Variants in ARHGEF3 observed in about 807,000 individuals in gnomAD.
ARHGEF3 encodes Rho guanine nucleotide exchange factor 3.
ARHGEF3 carries 28 observed loss-of-function variants against 63.2 expected under a neutral mutation model. The ratio of observed to expected loss-of-function variants is 0.44; its 90% CI spans 0.33 to 0.61. ARHGEF3 has a LOEUF of 0.61. Among genes scored for constraint, ARHGEF3 ranks in the 20% least tolerant of loss-of-function variants. The pLI, the probability that ARHGEF3 is intolerant of heterozygous loss-of-function variation, is 0.03. For missense variants in ARHGEF3, 533 were observed against 659.3 expected (o/e 0.81, Z 2.10); for synonymous variants, 266 against 254.2 (o/e 1.05, Z -0.44).
At chr3:57,012,737 G>A (rs1239026457) in intron 2 of ARHGEF3, among the ~76,000 whole-genome samples, 8 of 152,338 alleles carry the variant, frequency 5.3e-5, no homozygotes, top group South Asian at 2.1e-4. Context: ...GCTGGCAGCC[G>A]TTGCTCGCTC....
intron 1 of ARHGEF3, among the ~76,000 whole-genome samples, chr3:56,778,769 A>G (rs921481054): frequency 2.6e-5 from 4 of 152,190 alleles, no homozygotes; most frequent in African/African-American, 9.6e-5. Context: ...TCCTGGGGTC[A>G]AGCAATTCTC....
intron 1 of ARHGEF3, chr3:57,060,858 C>T (rs1705187578): frequency 6.6e-6 from 1 of 151,144 alleles, no homozygotes; most frequent in African/African-American, 2.4e-5. Flanking sequence ...ACCACCACCA[C>T]TTCTTTTTTG....
chr3:56,996,890 A>ATTATTATTATT (rs1553801009), intron 2 of ARHGEF3, among the ~76,000 whole-genome samples: 1 of 136,510 alleles, frequency 7.3e-6, no homozygotes, highest in African/African-American at 2.7e-5. Flanking sequence ...TATTATTATT[A>ATTATTATTATT]TTTTTTTTTT....
At chr3:56,791,379 G>T (rs1228118406) in intron 1 of ARHGEF3, among the ~76,000 whole-genome samples, 2 of 152,082 alleles carry the variant, frequency 1.3e-5, no homozygotes, top group Non-Finnish European at 2.9e-5. Context: ...AGAGGTTAAG[G>T]CTGCAGTGAG....
intron 1 of ARHGEF3, among the ~76,000 whole-genome samples, chr3:56,781,231 ATTTTC>A (rs2036547450): frequency 6.8e-6 from 1 of 147,682 alleles, no homozygotes; most frequent in African/African-American, 2.6e-5. Context: ...CTCTGCTGAC[ATTTTC>A]TTTTGTCTTT....
chr3:56,831,634 A>G (rs1313522055), intron 4 of ARHGEF3, among the ~76,000 whole-genome samples: 1 of 152,224 alleles, frequency 6.6e-6, no homozygotes, highest in Non-Finnish European at 1.5e-5. Flanking sequence ...TGGCATCTAC[A>G]CTAGACCACT....
At chr3:56,738,103 G>A (rs921877709) in intron 7 of ARHGEF3, among the ~76,000 whole-genome samples, 10 of 152,144 alleles carry the variant, frequency 6.6e-5, no homozygotes, top group Admixed American at 5.9e-4. Flanking sequence ...GAGTGCAGTG[G>A]CGTGATCTCA....
intron 4 of ARHGEF3, among the ~76,000 whole-genome samples, chr3:56,853,406 G>A (rs916398402): frequency 2.0e-5 from 3 of 152,090 alleles, no homozygotes; most frequent in African/African-American, 7.2e-5. Context: ...GCACCATCTC[G>A]GCTCACTGCA....
chr3:57,040,551 G>A (rs78378642), intron 1 of ARHGEF3, among the ~76,000 whole-genome samples: 2,878 of 149,206 alleles, frequency 0.019, 92 homozygotes, highest in African/African-American at 0.066. Context: ...TTAGGATAGC[G>A]GTTCTAGTGG....
chr3:57,046,507 G>C (rs1197951608), intron 1 of ARHGEF3, among the ~76,000 whole-genome samples: 1 of 152,208 alleles, frequency 6.6e-6, no homozygotes, highest in Non-Finnish European at 1.5e-5. Context: ...ACGAAGCTCA[G>C]CCTTCTGACA....
chr3:56,983,022 C>T (rs1701385706), intron 2 of ARHGEF3, among the ~76,000 whole-genome samples: 1 of 151,658 alleles, frequency 6.6e-6, no homozygotes, highest in South Asian at 2.1e-4. Flanking sequence ...CAAAGGCAAA[C>T]AAACAAAATT....
chr3:56,859,577 T>C (rs1578696219), intron 4 of ARHGEF3, among the ~76,000 whole-genome samples: 3 of 149,332 alleles, frequency 2.0e-5, no homozygotes, highest in Admixed American at 1.3e-4. Flanking sequence ...TCACCCAGGC[T>C]GGAGTGCAGT....
chr3:56,751,944 A>G (rs2034781480), intron 4 of ARHGEF3, among the ~76,000 whole-genome samples: 1 of 152,214 alleles, frequency 6.6e-6, no homozygotes. Flanking sequence ...ATAGAACACA[A>G]AGACTTAAAA....
At chr3:56,863,546 C>T (rs1388073980) in intron 4 of ARHGEF3, among the ~76,000 whole-genome samples, 4 of 151,888 alleles carry the variant, frequency 2.6e-5, no homozygotes, top group African/African-American at 7.3e-5. Flanking sequence ...GCAATCCACC[C>T]GCCTTGGCCT....
At chr3:57,042,675 TATATATATATATATATA>T (rs1330932633) in intron 1 of ARHGEF3, among the ~76,000 whole-genome samples, 936 of 41,334 alleles carry the variant, frequency 0.023, 72 homozygotes, top group African/African-American at 0.094. Flanking sequence ...TATATATATA[TATATATATATATATATA>T]TATATATATT....
At chr3:56,796,546 C>T (rs2037378466) in intron 1 of ARHGEF3, among the ~76,000 whole-genome samples, 1 of 152,208 alleles carries the variant, frequency 6.6e-6, no homozygotes, top group Admixed American at 6.5e-5. Flanking sequence ...CCGTGGGTTG[C>T]AGCCGTTCTA....
At chr3:56,823,464 C>T (rs770863332) in intron 4 of ARHGEF3, among the ~76,000 whole-genome samples, 92 of 152,286 alleles carry the variant, frequency 6.0e-4, no homozygotes, top group Middle Eastern at 6.8e-3. Flanking sequence ...ACAGCCCAGC[C>T]TCCTGTTCTC....
chr3:56,985,911 G>A (rs902301162), intron 2 of ARHGEF3, among the ~76,000 whole-genome samples: 1 of 152,232 alleles, frequency 6.6e-6, no homozygotes, highest in Non-Finnish European at 1.5e-5. Context: ...GGTCACCAGG[G>A]ACACTCAGGG....
intron 3 of ARHGEF3, among the ~76,000 whole-genome samples, chr3:56,925,699 C>T (rs1269973685): frequency 1.3e-5 from 2 of 152,112 alleles, no homozygotes; most frequent in Admixed American, 6.5e-5. Context: ...AAAAGTTGTC[C>T]AATGTGCCAA....
Sources: gnomAD v4.1 joint callset for allele counts (sites outside exome capture counted in the v4.1 genomes callset) on GRCh38, gnomAD v4.1.1 for gene constraint, MANE v1.5 for transcripts, NCBI Gene and HGNC (gene_info 2026-07-23, HGNC 2026-07-21) for gene names.